The following BAZ2B variants were observed in gnomAD, a reference collection of about 807,000 sequenced individuals.
BAZ2B encodes bromodomain adjacent to zinc finger domain protein 2B.
A neutral mutation model predicts 246.0 loss-of-function variants in BAZ2B; 91 were observed. The ratio of observed to expected loss-of-function variants is 0.37; its 90% CI spans 0.31 to 0.44. The LOEUF is 0.44. Ranked by LOEUF, BAZ2B falls within the 20% of genes least tolerant of loss-of-function variation. The probability of loss-of-function intolerance (pLI) is 1.00; values close to 1 mark genes in which losing one functional copy is unlikely to be tolerated. For synonymous variants in BAZ2B, 855 were observed against 860.0 expected (o/e 0.99, Z 0.10); for missense variants, 2,332 against 2,533.7 (o/e 0.92, Z 1.71).
chr2:159,402,855 G>A (rs868057225), intron 16 of BAZ2B, among the ~76,000 whole-genome samples: 2 of 152,218 alleles, frequency 1.3e-5, no homozygotes, highest in Middle Eastern at 3.4e-3. Context: ...GTAATGTTGA[G>A]TACTCAGCCA....
intron 2 of BAZ2B, among the ~76,000 whole-genome samples, chr2:159,527,617 CAGG>C (rs2084902094): frequency 6.6e-6 from 1 of 152,070 alleles, no homozygotes; most frequent in Non-Finnish European, 1.5e-5. Context: ...TTCTGAGCTA[CAGG>C]AGAAGAAGAA....
chr2:159,324,314 A>G (rs972206920), intron 36 of BAZ2B, among the ~76,000 whole-genome samples: 1 of 152,202 alleles, frequency 6.6e-6, no homozygotes, highest in African/African-American at 2.4e-5. Flanking sequence ...GTATTCTCCA[A>G]TAACTCACAT....
At chr2:159,406,191 T>C (rs577467402) in intron 14 of BAZ2B, among the ~76,000 whole-genome samples, 4 of 152,212 alleles carry the variant, frequency 2.6e-5, no homozygotes, top group Non-Finnish European at 4.4e-5. Flanking sequence ...GCTAAGAGGA[T>C]GTTAGCAGTT....
chr2:159,604,424 T>C (rs1295036294), intron 1 of BAZ2B, among the ~76,000 whole-genome samples: 2 of 152,144 alleles, frequency 1.3e-5, no homozygotes. Flanking sequence ...AATTGACACA[T>C]AATAATTGTA....
intron 27 of BAZ2B, among the ~76,000 whole-genome samples, chr2:159,367,345 T>C (rs1179247765): frequency 1.3e-5 from 2 of 152,178 alleles, no homozygotes; most frequent in Non-Finnish European, 2.9e-5. Context: ...TCATCACCAA[T>C]AAACATTATT....
Position 159,337,703 on chromosome 2 carries a change from T to C in BAZ2B, c.5524A>G (p.Lys1842Glu), listed in dbSNP as rs2065905128. 1 of 1,614,062 alleles carries C rather than the reference T, an allele frequency of 6.2e-7. No homozygotes were observed. Among genetic ancestry groups the C allele is most frequent in the African/African-American group, 1.3e-5 (1 of 74,938 alleles). ...LVYFEHKSFT[K>E]LCKEHDGEFT... ...TCTCCATCATGCTCCTTGCACAATT[T>C]AGTAAATGATTTATGTTCAAAATAT... is the stretch of plus-strand genomic sequence containing the variant. Residue 1842 changes from lysine (K) to glutamate (E), a missense_variant, in exon 32 of 37, where the codon AAA becomes GAA. Lys to Glu is a moderately conservative substitution (Grantham distance 56). Coordinates refer to ENST00000392783, the MANE Select transcript of BAZ2B (RefSeq NM_013450.4).
chr2:159,674,751 GT>G, the BAZ2B span, among the ~76,000 whole-genome samples: 1 of 150,218 alleles, frequency 6.7e-6, no homozygotes, highest in Non-Finnish European at 1.5e-5. Context: ...AAAACCTAAA[GT>G]TGAATACCTG....
rs17495647 is a variant in BAZ2B at position 159,507,644 on chromosome 2, C to A, written c.-2-28923G>T. On this transcript the variant is annotated intron_variant, in intron 2 of 36. Coordinates refer to ENST00000392783, the MANE Select transcript of BAZ2B (RefSeq NM_013450.4). ...TAAAACATTAGGAATCAAATTAGAT[C>A]TAGGATTCATTATAATCTTCCTACC... Among the ~76,000 whole-genome samples, 823 of 152,064 alleles carry A rather than the reference C, an allele frequency of 5.4e-3. 5 individuals are homozygous for A. Among genetic ancestry groups the A allele is most frequent in the South Asian group, 0.029 (140 of 4,814 alleles).
chr2:159,479,790 G>T (rs190276553), intron 2 of BAZ2B, among the ~76,000 whole-genome samples: 8 of 152,060 alleles, frequency 5.3e-5, no homozygotes, highest in Non-Finnish European at 1.2e-4. Flanking sequence ...TATGGGGAAG[G>T]TAATCTTAAA....
chr2:159,686,929 C>G, the BAZ2B span, among the ~76,000 whole-genome samples: 2 of 151,622 alleles, frequency 1.3e-5, no homozygotes, highest in Non-Finnish European at 2.9e-5. Context: ...GTAGTCCCAG[C>G]TCCTCGGGAG....
chr2:159,427,806 T>C, intron 13 of BAZ2B, 135 bp downstream of exon 13: 1 of 615,594 alleles, frequency 1.6e-6, no homozygotes, highest in East Asian at 2.9e-5. Flanking sequence ...AATGAGTGCT[T>C]ACCACAAAGT....
the BAZ2B span, among the ~76,000 whole-genome samples, chr2:159,665,729 G>A: frequency 6.6e-6 from 1 of 151,062 alleles, no homozygotes; most frequent in African/African-American, 2.4e-5. Flanking sequence ...TTAAACGTTA[G>A]ACCTAAAACC....
chr2:159,435,778 C>T (rs1462295159), intron 8 of BAZ2B, among the ~76,000 whole-genome samples: 1 of 152,240 alleles, frequency 6.6e-6, no homozygotes, highest in African/African-American at 2.4e-5. Flanking sequence ...GCGAGAGCCA[C>T]CGCACTCAGC....
At chr2:159,606,030 A>G (rs796801986) in intron 1 of BAZ2B, among the ~76,000 whole-genome samples, 9 of 152,278 alleles carry the variant, frequency 5.9e-5, no homozygotes, top group African/African-American at 2.2e-4. Flanking sequence ...TTTTACTTCA[A>G]ATCCCCAAGG....
chr2:159,353,796 T>A (rs1260018326), intron 27 of BAZ2B, among the ~76,000 whole-genome samples: 1 of 152,194 alleles, frequency 6.6e-6, no homozygotes, highest in Non-Finnish European at 1.5e-5. Context: ...GAGCAGGGGA[T>A]AATCAGCCCT....
intron 8 of BAZ2B, 26 bp from the exon 9 acceptor site, chr2:159,433,389 C>A: frequency 6.4e-7 from 1 of 1,570,552 alleles, no homozygotes; most frequent in South Asian, 1.2e-5. Context: ...TTAAAAAACA[C>A]AACAAAATGT....
At chr2:159,393,614 TTC>T (rs766396978) in intron 20 of BAZ2B, among the ~76,000 whole-genome samples, 10 of 108,510 alleles carry the variant, frequency 9.2e-5, no homozygotes, top group Non-Finnish European at 2.1e-4. Flanking sequence ...GTATTCTGTA[TTC>T]TACTTCTGTT....
the BAZ2B span, among the ~76,000 whole-genome samples, chr2:159,705,484 T>C: frequency 6.6e-6 from 1 of 152,208 alleles, no homozygotes; most frequent in African/African-American, 2.4e-5. Context: ...AACCCAGAAA[T>C]ATATTCAGCA....
intron 3 of BAZ2B, 52 bp from the exon 4 acceptor site, chr2:159,453,853 C>G (rs538153908): frequency 2.9e-6 from 4 of 1,376,022 alleles, no homozygotes; most frequent in African/African-American, 2.9e-5. Context: ...ACAGATGAGA[C>G]TTATCTGATT....
Sources: allele counts gnomAD v4.1 joint callset (sites outside exome capture counted in the v4.1 genomes callset), GRCh38; gene constraint gnomAD v4.1.1; transcripts MANE v1.5; gene names NCBI Gene and HGNC (gene_info 2026-07-23, HGNC 2026-07-21).